The following CDH23 variants were observed in gnomAD, a reference collection of about 807,000 sequenced individuals.
CDH23 encodes cadherin-23.
CDH23 carries 189 observed loss-of-function variants against 317.1 expected under a neutral mutation model. The observed-to-expected ratio is 0.60, with a 90% CI of 0.53 to 0.67. The LOEUF (loss-of-function observed/expected upper bound fraction) is 0.67. Among genes scored for constraint, CDH23 ranks in the 30% least tolerant of loss-of-function variants. The pLI is 0.00. For missense variants in CDH23, 4,401 were observed against 4,592.4 expected (o/e 0.96, Z 1.20); for synonymous variants, 1,839 against 1,876.8 (o/e 0.98, Z 0.52).
At chr10:71,637,479 G>A (rs529614530) in intron 11 of CDH23, among the ~76,000 whole-genome samples, 10 of 152,280 alleles carry the variant, frequency 6.6e-5, no homozygotes, top group African/African-American at 1.4e-4. Flanking sequence ...CTATCAAATA[G>A]GCTGCATTCT....
intron 3 of CDH23, among the ~76,000 whole-genome samples, chr10:71,502,199 C>T (rs1426949126): frequency 6.6e-6 from 1 of 152,214 alleles, no homozygotes; most frequent in Admixed American, 6.5e-5. Flanking sequence ...CTGGCAGAGG[C>T]AGACCACTAG....
chr10:71,652,364 T>A (rs1863215875), intron 14 of CDH23, among the ~76,000 whole-genome samples: 1 of 152,228 alleles, frequency 6.6e-6, no homozygotes, highest in Non-Finnish European at 1.5e-5. Context: ...GGGACTTGGC[T>A]TTTTTCCTAT....
chr10:71,431,665 G>A (rs1849377795), intron 1 of CDH23, among the ~76,000 whole-genome samples: 2 of 152,332 alleles, frequency 1.3e-5, no homozygotes, highest in Admixed American at 6.5e-5. Flanking sequence ...AAACTAAATC[G>A]TGGCACCATG....
chr10:71,658,914 C>T (rs905245465), intron 14 of CDH23, among the ~76,000 whole-genome samples: 1 of 152,218 alleles, frequency 6.6e-6, no homozygotes, highest in Non-Finnish European at 1.5e-5. Context: ...AAGCAGCTCA[C>T]TCCCTGGGTG....
chr10:71,729,082 A>T (rs1866943545), intron 30 of CDH23, among the ~76,000 whole-genome samples: 1 of 152,018 alleles, frequency 6.6e-6, no homozygotes, highest in Non-Finnish European at 1.5e-5. Flanking sequence ...AGATCCTCCC[A>T]CTTCAACCTC....
At chr10:71,753,783 AG>A in intron 38 of CDH23, 1 of 456,392 alleles carries the variant, frequency 2.2e-6, no homozygotes, top group African/African-American at 2.0e-5. Flanking sequence ...ATGGTGGGGG[AG>A]GGGCACAACA....
chr10:71,435,404 G>A (rs540541724), intron 1 of CDH23, among the ~76,000 whole-genome samples: 1 of 152,310 alleles, frequency 6.6e-6, no homozygotes, highest in Non-Finnish European at 1.5e-5. Context: ...AGTCACAGCC[G>A]TATGTTCTCA....
chr10:71,530,069 A>ACACACACACT (rs1260256322), intron 6 of CDH23, among the ~76,000 whole-genome samples: 2 of 145,014 alleles, frequency 1.4e-5, no homozygotes, highest in African/African-American at 2.6e-5. Flanking sequence ...ACACACACAC[A>ACACACACACT]CTCTCCCCAG....
intron 3 of CDH23, among the ~76,000 whole-genome samples, chr10:71,502,448 A>G (rs1853390192): frequency 6.6e-6 from 1 of 152,232 alleles, no homozygotes; most frequent in Non-Finnish European, 1.5e-5. Flanking sequence ...CCCTGGCCCT[A>G]GAAAAGCAGT....
At position 71,491,039 on chromosome 10, in the gene CDH23, G is replaced by T. The variant is rs184424800; in HGVS notation, c.146-19043G>T. On this transcript the variant is annotated intron_variant, in intron 3 of 69. Coordinates refer to ENST00000224721, the MANE Select transcript of CDH23 (RefSeq NM_022124.6). Reference sequence around the variant, plus strand: ...AAAATAAAATAAAATAAAAAGAGGGGCTGTAACCAGTCTTGGCTCCCCCAC... The same window carrying T: ...AAAATAAAATAAAATAAAAAGAGGGTCTGTAACCAGTCTTGGCTCCCCCAC... Among the ~76,000 whole-genome samples, 377 of 152,248 alleles carry T rather than the reference G, an allele frequency of 2.5e-3. 3 individuals are homozygous for T. Among genetic ancestry groups the T allele is most frequent in the African/African-American group, 8.9e-3 (370 of 41,550 alleles).
intron 38 of CDH23, chr10:71,761,062 T>C (rs1840370098): frequency 3.9e-6 from 3 of 761,764 alleles, no homozygotes; most frequent in Admixed American, 2.1e-5. Context: ...AGTGGCAGCC[T>C]GCACACGTGT....
intron 6 of CDH23, among the ~76,000 whole-genome samples, chr10:71,513,074 C>G (rs1415916927): frequency 1.3e-5 from 2 of 152,180 alleles, no homozygotes; most frequent in African/African-American, 2.4e-5. Context: ...CTGCATGATA[C>G]CCATCTGACA....
At chr10:71,532,627 G>A (rs941210371) in intron 6 of CDH23, among the ~76,000 whole-genome samples, 2 of 151,894 alleles carry the variant, frequency 1.3e-5, no homozygotes, top group African/African-American at 2.4e-5. Flanking sequence ...GACCTTTTGA[G>A]TCCCCAGCCC....
At chr10:71,642,387 C>A (rs921878504) in intron 11 of CDH23, among the ~76,000 whole-genome samples, 1 of 142,258 alleles carries the variant, frequency 7.0e-6, no homozygotes, top group African/African-American at 2.6e-5. Flanking sequence ...GAAGCTGGCC[C>A]GGCCTCTTTT....
chr10:71,571,538 A>G (rs543934994), intron 8 of CDH23, among the ~76,000 whole-genome samples: 2 of 152,372 alleles, frequency 1.3e-5, no homozygotes, highest in East Asian at 3.9e-4. Context: ...CTTAGAGGAC[A>G]AAACATGCCT....
chr10:71,746,882 C>T (rs1358117100), intron 38 of CDH23, among the ~76,000 whole-genome samples: 1 of 152,204 alleles, frequency 6.6e-6, no homozygotes, highest in Admixed American at 6.5e-5. Context: ...CAGCAGCGGC[C>T]CCGTGACGGT....
intron 6 of CDH23, among the ~76,000 whole-genome samples, chr10:71,515,713 T>C (rs1854299316): frequency 6.6e-6 from 1 of 152,218 alleles, no homozygotes; most frequent in Non-Finnish European, 1.5e-5. Context: ...AGCAACAATA[T>C]CTGTCTTGCA....
In CDH23 at chr10:71,659,548, A is replaced by G. The variant is rs146785245; in HGVS notation, c.1449+12931A>G. Among the ~76,000 whole-genome samples, 43 of 152,330 alleles carry G rather than the reference A, an allele frequency of 2.8e-4. No homozygotes were observed. In the East Asian group the frequency reaches 8.1e-3, roughly 29 times the overall value. ...ACCAGCTTGTTTCTGGAGTGGCTCA[A>G]AGTTCCATATGCCTGTCATAAAAAC... On this transcript the variant is annotated intron_variant, in intron 14 of 69. Transcript: ENST00000224721.
At chr10:71,686,718 G>C (rs958767675) in intron 18 of CDH23, among the ~76,000 whole-genome samples, 3 of 152,178 alleles carry the variant, frequency 2.0e-5, no homozygotes, top group Non-Finnish European at 4.4e-5. Flanking sequence ...CCGGGACTCA[G>C]CCTGACTCCT....
Sources: allele counts gnomAD v4.1 joint callset (sites outside exome capture counted in the v4.1 genomes callset), GRCh38; gene constraint gnomAD v4.1.1; transcripts MANE v1.5; gene names NCBI Gene and HGNC (gene_info 2026-07-23, HGNC 2026-07-21).